RAD51B: variants seen among roughly 807,000 people sequenced by gnomAD.
RAD51B encodes RAD51 paralog B, also known as DNA repair protein RAD51 homolog 2.
A neutral mutation model predicts 42.2 loss-of-function variants in RAD51B; 38 were observed. The observed-to-expected ratio is 0.90, with a 90% confidence interval of 0.70 to 1.18. RAD51B has a LOEUF of 1.18. RAD51B is among the 50% of genes most tolerant of loss of function. The pLI, the probability that RAD51B is intolerant of heterozygous loss-of-function variation, is 0.00. For synonymous variants in RAD51B, 154 were observed against 145.2 expected, an observed-to-expected ratio of 1.06 and a Z score of -0.43; for missense variants, 373 against 400.7, an observed-to-expected ratio of 0.93 and a Z score of 0.59.
intron 10 of RAD51B, chr14:68,562,058 T>C (rs1215883157): frequency 2.0e-6 from 2 of 985,398 alleles, no homozygotes; most frequent in Non-Finnish European, 2.4e-6. Context: ...TTAGACCACA[T>C]GAATAATTTG....
intron 11 of RAD51B, among the ~76,000 whole-genome samples, chr14:68,662,329 C>T (rs1892950144): frequency 6.6e-6 from 1 of 152,198 alleles, no homozygotes; most frequent in South Asian, 2.1e-4. Context: ...TACATTAATC[C>T]TATTATATTT....
intron 9 of RAD51B, among the ~76,000 whole-genome samples, chr14:68,412,628 A>G (rs2084450117): frequency 6.6e-6 from 1 of 152,146 alleles, no homozygotes; most frequent in Non-Finnish European, 1.5e-5. Context: ...CAGCTTGGTG[A>G]TCACGTCAGC....
chr14:67,968,001 C>A lies in RAD51B; in HGVS notation c.756+80797C>A, dbSNP rs575281378. On this transcript the variant is annotated intron_variant, in intron 7 of 10. Coordinates refer to ENST00000471583, the MANE Select transcript of RAD51B (RefSeq NM_133510.4). Reference sequence around the variant, plus strand: ...GGTGTTTCCATACTTCTTCTGAAATCTAGGTGGAGGTTCCCAAACCTCAAT... The same window carrying A: ...GGTGTTTCCATACTTCTTCTGAAATATAGGTGGAGGTTCCCAAACCTCAAT... Among the ~76,000 whole-genome samples the A allele has an allele frequency of 4.6e-5, 7 of 152,356 alleles. No homozygotes were observed. In the East Asian group the frequency reaches 1.4e-3, roughly 29 times the overall value.
At chr14:68,359,615 A>C (rs1315452622) in intron 8 of RAD51B, among the ~76,000 whole-genome samples, 1 of 152,096 alleles carries the variant, frequency 6.6e-6, no homozygotes, top group South Asian at 2.1e-4. Context: ...TATGGCCGTT[A>C]CCTCTCTCAG....
intron 4 of RAD51B, among the ~76,000 whole-genome samples, chr14:67,851,836 G>A (rs565542891): frequency 6.6e-6 from 1 of 152,102 alleles, no homozygotes; most frequent in South Asian, 2.1e-4. Context: ...AAACAGAGCT[G>A]CTACTCACTG....
intron 10 of RAD51B, among the ~76,000 whole-genome samples, chr14:68,550,549 T>G (rs911208644): frequency 3.0e-4 from 46 of 152,250 alleles, no homozygotes; most frequent in Non-Finnish European, 1.5e-4. Context: ...GCGCCTCTTG[T>G]GTAAACAGCA....
In RAD51B at chr14:67,964,140, A is replaced by G. The variant is rs576756493; in HGVS notation, c.756+76936A>G. Among the ~76,000 whole-genome samples, 183 of 152,174 alleles carry G rather than the reference A, an allele frequency of 1.2e-3. 1 individual carries two copies. Among genetic ancestry groups the G allele is most frequent in the African/African-American group, 3.6e-3 (149 of 41,514 alleles). The stretch of plus-strand genomic sequence containing the variant: ...ACAAGATGACAATTTTATTGTACTC[A>G]TGTCACATTTAAACCATCATGTAAA... On this transcript the variant is annotated intron_variant, in intron 7 of 10. Coordinates refer to ENST00000471583, the MANE Select transcript of RAD51B (RefSeq NM_133510.4).
chr14:67,932,067 C>T (rs2044758252), intron 7 of RAD51B, among the ~76,000 whole-genome samples: 1 of 152,136 alleles, frequency 6.6e-6, no homozygotes, highest in Non-Finnish European at 1.5e-5. Flanking sequence ...TACAATTGAA[C>T]ATGTCACCCA....
chr14:68,564,360 G>C (rs1889313356), intron 10 of RAD51B, among the ~76,000 whole-genome samples: 1 of 152,184 alleles, frequency 6.6e-6, no homozygotes. Flanking sequence ...TTTGGGAGAG[G>C]TCATGCCGCA....
At chr14:68,370,419 G>C (rs1046291520) in intron 8 of RAD51B, among the ~76,000 whole-genome samples, 2 of 152,212 alleles carry the variant, frequency 1.3e-5, no homozygotes, top group Non-Finnish European at 1.5e-5. Context: ...AGGCCTGTAA[G>C]TTGACTGGAG....
intron 10 of RAD51B, among the ~76,000 whole-genome samples, chr14:68,564,632 ACT>A (rs1198395795): frequency 1.3e-5 from 2 of 151,964 alleles, no homozygotes; most frequent in Non-Finnish European, 2.9e-5. Flanking sequence ...GTGGGTGGAA[ACT>A]CTGCTATCTC....
chr14:68,259,475 A>G (rs1283262922), intron 7 of RAD51B, among the ~76,000 whole-genome samples: 1 of 152,108 alleles, frequency 6.6e-6, no homozygotes, highest in African/African-American at 2.4e-5. Context: ...AAATAAATAA[A>G]CATAAAAAAA....
chr14:68,187,159 A>G (rs1315115786), intron 7 of RAD51B, among the ~76,000 whole-genome samples: 1 of 152,180 alleles, frequency 6.6e-6, no homozygotes, highest in African/African-American at 2.4e-5. Context: ...AACATTAAGT[A>G]CTCAAGAACA....
At chr14:68,195,424 T>C (rs80151242) in intron 7 of RAD51B, among the ~76,000 whole-genome samples, 15,070 of 152,126 alleles carry the variant, frequency 0.099, 2,385 homozygotes, top group African/African-American at 0.34. Flanking sequence ...CTCTCCCAGT[T>C]TCCACTCTTA....
intron 9 of RAD51B, among the ~76,000 whole-genome samples, chr14:68,438,786 G>A (rs199913867): frequency 1.3e-4 from 20 of 152,158 alleles, no homozygotes; most frequent in Non-Finnish European, 2.5e-4. Flanking sequence ...TCAGTAAAGC[G>A]CCTGAGCTGA....
chr14:67,978,849 TG>T (rs1261704426), intron 7 of RAD51B, among the ~76,000 whole-genome samples: 1 of 152,246 alleles, frequency 6.6e-6, no homozygotes, highest in Admixed American at 6.5e-5. Flanking sequence ...CTGCATTTTA[TG>T]CAAAGATGAG....
At chr14:68,645,302 A>G (rs961377500) in intron 10 of RAD51B, among the ~76,000 whole-genome samples, 1 of 152,242 alleles carries the variant, frequency 6.6e-6, no homozygotes, top group African/African-American at 2.4e-5. Context: ...TTAAAGTTCA[A>G]GCATGTTGTA....
intron 8 of RAD51B, among the ~76,000 whole-genome samples, chr14:68,389,131 G>A (rs931741939): frequency 2.0e-5 from 3 of 152,114 alleles, no homozygotes; most frequent in African/African-American, 7.2e-5. Context: ...TTTAAATGAA[G>A]TATAATATGT....
chr14:68,311,737 AT>A (rs2081971755), intron 8 of RAD51B, among the ~76,000 whole-genome samples: 1 of 152,112 alleles, frequency 6.6e-6, no homozygotes, highest in South Asian at 2.1e-4. Context: ...AAATACAAAA[AT>A]TAGCTGGGCA....
Sources: gnomAD v4.1 joint callset for allele counts (sites outside exome capture counted in the v4.1 genomes callset) on GRCh38, gnomAD v4.1.1 for gene constraint, MANE v1.5 for transcripts, NCBI Gene and HGNC (gene_info 2026-07-23, HGNC 2026-07-21) for gene names.